The following MBD5 variants were observed in gnomAD, a reference collection of about 807,000 sequenced individuals.
MBD5 encodes methyl-CpG-binding domain protein 5.
MBD5 carries 13 observed loss-of-function variants against 117.3 expected under a neutral mutation model. That is an observed-to-expected ratio of 0.11 (90% CI 0.07 to 0.18). The LOEUF is 0.18. MBD5 is among the 10% of genes least tolerant of loss of function. The probability of loss-of-function intolerance (pLI) is 1.00; values close to 1 mark genes in which losing one functional copy is unlikely to be tolerated. For synonymous variants in MBD5, 727 were observed against 766.4 expected, an observed-to-expected ratio of 0.95 and a Z score of 0.85; for missense variants, 1,879 against 2,093.8, an observed-to-expected ratio of 0.90 and a Z score of 2.00.
chr2:148,209,433 C>G (rs1262063076), intron 2 of MBD5, among the ~76,000 whole-genome samples: 1 of 152,094 alleles, frequency 6.6e-6, no homozygotes, highest in Non-Finnish European at 1.5e-5. Flanking sequence ...CTATGAAGAA[C>G]AGGCTCTTGC....
rs1355044028 is a variant in MBD5, at chr2:148,515,820, G to A, written c.*2879G>A. On this transcript the variant is annotated 3_prime_UTR_variant, in exon 14 of 14. Coordinates refer to ENST00000642680, the MANE Select transcript of MBD5 (RefSeq NM_001378120.1). ...GAGAATAAACTAAACCTCTAAGAAG[G>A]TTTTAAAAATTATTTCAAATGAGTG... 1 of 152,144 alleles carries A rather than the reference G, an allele frequency of 6.6e-6. No homozygotes were observed. Among genetic ancestry groups the A allele is most frequent in the Non-Finnish European group, 1.5e-5 (1 of 68,026 alleles). The allele number at this position is 152,144 out of a possible 1,614,324, so 9.4% of individuals were successfully genotyped here.
chr2:148,501,176 A>G (rs917411398), intron 11 of MBD5, among the ~76,000 whole-genome samples: 3 of 152,246 alleles, frequency 2.0e-5, no homozygotes, highest in Non-Finnish European at 2.9e-5. Flanking sequence ...TTCAGACTTA[A>G]TAATGAAAAC....
chr2:148,392,909 C>T (rs890424461), intron 4 of MBD5, among the ~76,000 whole-genome samples: 2 of 152,094 alleles, frequency 1.3e-5, no homozygotes, highest in Non-Finnish European at 2.9e-5. Context: ...ATAATGGTTA[C>T]AATGAAAGAT....
intron 4 of MBD5, among the ~76,000 whole-genome samples, chr2:148,448,677 A>T (rs899091702): frequency 5.3e-5 from 8 of 152,056 alleles, no homozygotes; most frequent in Non-Finnish European, 1.0e-4. Flanking sequence ...ATATTAGTGT[A>T]TATATAAATA....
rs1361599405 is a variant in MBD5 at position 148,281,570 on chromosome 2, A to T, written c.-680+48175A>T. Among the ~76,000 whole-genome samples the T allele has an allele frequency of 3.3e-5, 5 of 151,250 alleles. No individual in the cohort carries two copies. In the East Asian group the frequency reaches 9.7e-4, roughly 29 times the overall value. On this transcript the variant is annotated intron_variant, in intron 3 of 13. Transcript: ENST00000642680. ...TGCTCGTAAATATATTTCCTCTTGC[A>T]TTTTTTTAAAAATTCATGATCTTTC... is the stretch of plus-strand genomic sequence containing the variant.
intron 3 of MBD5, among the ~76,000 whole-genome samples, chr2:148,239,774 C>A (rs745712361): frequency 6.6e-6 from 1 of 151,138 alleles, no homozygotes; most frequent in Non-Finnish European, 1.5e-5. Flanking sequence ...GTGGCATGAA[C>A]GTGGCTCAGT....
chr2:148,458,084 G>T, intron 4 of MBD5, 119 bp from the exon 5 acceptor site: 1 of 391,538 alleles, frequency 2.6e-6, no homozygotes, highest in Non-Finnish European at 4.5e-6. Context: ...GTATGATTTT[G>T]ATAGCAAAGG....
chr2:148,227,714 A>G (rs1699869226), intron 2 of MBD5, among the ~76,000 whole-genome samples: 1 of 152,134 alleles, frequency 6.6e-6, no homozygotes, highest in East Asian at 1.9e-4. Flanking sequence ...CAGTGTGGCC[A>G]TTTTCACCAT....
At chr2:148,235,866 A>G (rs1365429588) in intron 3 of MBD5, among the ~76,000 whole-genome samples, 1 of 152,082 alleles carries the variant, frequency 6.6e-6, no homozygotes, top group East Asian at 1.9e-4. Flanking sequence ...TGGTGCAATC[A>G]TGGCTCACTG....
intron 3 of MBD5, among the ~76,000 whole-genome samples, chr2:148,269,805 T>C (rs751525230): frequency 6.6e-6 from 1 of 151,754 alleles, no homozygotes; most frequent in Admixed American, 6.6e-5. Flanking sequence ...TCCCTACATA[T>C]TCTCATTCTG....
At position 148,383,892 on chromosome 2, in the gene MBD5, C is replaced by T. The variant is rs555471366; in HGVS notation, c.-557+41556C>T. Among the ~76,000 whole-genome samples, 25 of 152,210 alleles carry T rather than the reference C, an allele frequency of 1.6e-4. No homozygotes were observed. The East Asian group carries it at 2.5e-3, about 15-fold the overall frequency. Reference sequence around the variant, plus strand: ...TTATCTCAATAAATGTAGAAAAGGCCTTTGACAAAATTCAACACCCCTTCA... The same window carrying T: ...TTATCTCAATAAATGTAGAAAAGGCTTTTGACAAAATTCAACACCCCTTCA... On this transcript the variant is annotated intron_variant, in intron 4 of 13. Coordinates refer to ENST00000642680, the MANE Select transcript of MBD5 (RefSeq NM_001378120.1).
chr2:148,320,970 T>C (rs1411685924), intron 3 of MBD5, among the ~76,000 whole-genome samples: 1 of 152,222 alleles, frequency 6.6e-6, no homozygotes, highest in Non-Finnish European at 1.5e-5. Flanking sequence ...ATTTTTCCTT[T>C]TTATTTTTTG....
chr2:148,344,619 G>A (rs1703039498), intron 4 of MBD5, among the ~76,000 whole-genome samples: 1 of 151,912 alleles, frequency 6.6e-6, no homozygotes, highest in African/African-American at 2.4e-5. Flanking sequence ...CTTTCAGCTT[G>A]AACATTATTG....
chr2:148,510,030 A>T (rs1269476966), intron 12 of MBD5, 30 bp from the exon 13 acceptor site: 1 of 1,498,464 alleles, frequency 6.7e-7, no homozygotes. Flanking sequence ...TTAATTTTTT[A>T]ATCTGGTGTG....
chr2:148,328,547 A>G (rs1035675290), intron 3 of MBD5, among the ~76,000 whole-genome samples: 1 of 152,208 alleles, frequency 6.6e-6, no homozygotes, highest in Non-Finnish European at 1.5e-5. Flanking sequence ...CTCCTGGTGC[A>G]CCGCTTTTTA....
chr2:148,435,069 G>A (rs1157442906), intron 4 of MBD5, among the ~76,000 whole-genome samples: 1 of 151,992 alleles, frequency 6.6e-6, no homozygotes, highest in Non-Finnish European at 1.5e-5. Flanking sequence ...GTCTGAAATT[G>A]GAGTAGCAAC....
intron 3 of MBD5, among the ~76,000 whole-genome samples, chr2:148,311,193 A>G (rs922342664): frequency 2.6e-5 from 4 of 152,028 alleles, no homozygotes; most frequent in South Asian, 2.1e-4. Context: ...TCAAGTCCTG[A>G]ATATCCTTGT....
At chr2:148,157,415 T>C (rs188677515) in intron 1 of MBD5, among the ~76,000 whole-genome samples, 12 of 152,112 alleles carry the variant, frequency 7.9e-5, no homozygotes, top group African/African-American at 2.4e-4. Context: ...TATTTTATCA[T>C]AGACAATAGG....
intron 4 of MBD5, among the ~76,000 whole-genome samples, chr2:148,387,074 C>T (rs1287225802): frequency 2.0e-5 from 3 of 152,124 alleles, no homozygotes; most frequent in Non-Finnish European, 4.4e-5. Context: ...ATATCAAACC[C>T]TTAATAGCCA....
Sources: gnomAD v4.1 joint callset for allele counts (sites outside exome capture counted in the v4.1 genomes callset) on GRCh38, gnomAD v4.1.1 for gene constraint, MANE v1.5 for transcripts, NCBI Gene and HGNC (gene_info 2026-07-23, HGNC 2026-07-21) for gene names.